Variants in KIFC3 observed in about 807,000 individuals in gnomAD.
KIFC3 encodes kinesin family member C3, also known as kinesin-like protein KIFC3.
In KIFC3, 60 loss-of-function variants were observed where a neutral mutation model predicts 101.8. The ratio of observed to expected loss-of-function variants is 0.59; its 90% confidence interval spans 0.48 to 0.73. The LOEUF is 0.73. Ranked by LOEUF, KIFC3 falls within the 30% of genes least tolerant of loss-of-function variation. KIFC3 has a pLI of 0.00. For synonymous variants in KIFC3, 476 were observed against 482.7 expected (o/e 0.99, Z 0.18); for missense variants, 966 against 1,137.1 (o/e 0.85, Z 2.16).
chr16:57,802,978 T>A (rs1205621558), upstream of KIFC3: 1 of 1,535,652 alleles, frequency 6.5e-7, no homozygotes, highest in South Asian at 1.2e-5. The surrounding 1 kb of genome is among the most constrained non-coding windows in gnomAD (Gnocchi z 5.0). Context: ...TACATGTACA[T>A]CCCTTACCGT....
intron 1 of KIFC3, among the ~76,000 whole-genome samples, chr16:57,862,423 G>A (rs1189300322): frequency 2.0e-5 from 3 of 152,060 alleles, no homozygotes; most frequent in South Asian, 2.1e-4. Flanking sequence ...TTGGTTGACC[G>A]AGGGTTACTG....
intron 1 of KIFC3, among the ~76,000 whole-genome samples, chr16:57,829,801 C>T (rs1184589220): frequency 6.6e-6 from 1 of 152,176 alleles, no homozygotes; most frequent in East Asian, 1.9e-4. Flanking sequence ...CATGGCCAGA[C>T]GGCCACTCAG....
In KIFC3 at chr16:57,769,476, G is replaced by C; in HGVS notation, c.1218+119C>G. 1.6e-6 allele frequency: 2 copies of C among 1,280,282 alleles called. No individual in the cohort carries two copies. Among genetic ancestry groups the C allele is most frequent in the Non-Finnish European group, 2.1e-6 (2 of 934,370 alleles). The allele number at this position is 1,280,282 out of a possible 1,614,324, so 79.3% of individuals were successfully genotyped here. On this transcript the variant is annotated intron_variant, in intron 9 of 19. Coordinates refer to ENST00000445690, the MANE Select transcript of KIFC3 (RefSeq NM_001130100.2). The surrounding 1 kb of genome is among the most constrained non-coding windows in gnomAD (Gnocchi z 4.3). Reference sequence around the variant, plus strand: ...AGCAGTAAGTGTCATGGGGGGTGGGGCAGGGGCTGCTGTCTGAGCGGCTTT... The same window carrying C: ...AGCAGTAAGTGTCATGGGGGGTGGGCCAGGGGCTGCTGTCTGAGCGGCTTT...
At position 57,759,830 on chromosome 16, in the gene KIFC3, G is replaced by A; in HGVS notation, c.2374C>T (p.Pro792Ser). The A allele has an allele frequency of 6.2e-7, 1 of 1,607,720 alleles. No individual in the cohort carries two copies. The highest frequency in any genetic ancestry group is 2.2e-5 in the East Asian group (1 of 44,696). ...WSSQEHLEWE[P>S]ACQTPQPSAR... The stretch of plus-strand genomic sequence containing the variant: ...GAGGGCTGTGGCGTCTGACAAGCCG[G>A]CTCCCACTGTGAGCAGGGAAGGGCG... Residue 792 changes from proline (P) to serine (S), a missense_variant, in exon 18 of 20, where the codon CCG becomes TCG. Pro to Ser is a moderately conservative substitution (Grantham distance 74). Transcript: ENST00000445690.
chr16:57,785,974 C>T (rs2053276836), intron 3 of KIFC3, among the ~76,000 whole-genome samples: 1 of 152,194 alleles, frequency 6.6e-6, no homozygotes, highest in South Asian at 2.1e-4. Context: ...CAGCCTCTCT[C>T]CATGGCCAGG....
chr16:57,843,209 T>C (rs573938130), intron 1 of KIFC3, among the ~76,000 whole-genome samples: 2 of 152,246 alleles, frequency 1.3e-5, no homozygotes, highest in South Asian at 4.1e-4. Flanking sequence ...GAACTGTGTA[T>C]AAAAGAATCT....
At chr16:57,806,036 AC>A (rs1361394530), upstream of KIFC3, among the ~76,000 whole-genome samples, 12 of 151,970 alleles carry the variant, frequency 7.9e-5, no homozygotes, top group African/African-American at 2.9e-4. Flanking sequence ...ACCACACCTG[AC>A]CCATCTTTGT....
At chr16:57,794,146 T>C (rs1188365363) in intron 3 of KIFC3, among the ~76,000 whole-genome samples, 2 of 152,232 alleles carry the variant, frequency 1.3e-5, no homozygotes, top group African/African-American at 4.8e-5. Flanking sequence ...AGTCCATGTT[T>C]GATAAACAGT....
At chr16:57,772,322 C>T (rs1555609344) in intron 3 of KIFC3, 34 bp from the exon 4 acceptor site, 3 of 1,585,362 alleles carry the variant, frequency 1.9e-6, no homozygotes, top group Non-Finnish European at 2.6e-6. Context: ...AGGTGAGCCT[C>T]AGTCCTCAGC....
chr16:57,821,397 A>G (rs145902006), intron 1 of KIFC3, among the ~76,000 whole-genome samples: 1 of 152,212 alleles, frequency 6.6e-6, no homozygotes, highest in Admixed American at 6.5e-5. Flanking sequence ...AAGGAAAACC[A>G]GGTAACTCTC....
chr16:57,809,312 T>C (rs2055012052), intron 1 of KIFC3, among the ~76,000 whole-genome samples: 1 of 152,138 alleles, frequency 6.6e-6, no homozygotes, highest in Non-Finnish European at 1.5e-5. Context: ...TTCACTTATT[T>C]AGAGTTGGGG....
intron 1 of KIFC3, among the ~76,000 whole-genome samples, chr16:57,813,183 T>C (rs1358254794): frequency 6.6e-6 from 1 of 151,772 alleles, no homozygotes; most frequent in African/African-American, 2.4e-5. Context: ...CAAAAATTAG[T>C]TGGGCGTAGT....
chr16:57,819,439 C>T (rs874504), intron 1 of KIFC3, among the ~76,000 whole-genome samples: 70,605 of 152,098 alleles, frequency 0.46, 17,555 homozygotes, highest in African/African-American at 0.64. Flanking sequence ...GATTGGACTC[C>T]GAGATATCTC....
At chr16:57,841,797 A>G (rs1269784510) in intron 1 of KIFC3, among the ~76,000 whole-genome samples, 3 of 152,036 alleles carry the variant, frequency 2.0e-5, no homozygotes, top group African/African-American at 7.2e-5. Context: ...CAGCTGCATG[A>G]GTCTCTTGTG....
At chr16:57,825,543 A>T (rs1034652593) in intron 1 of KIFC3, among the ~76,000 whole-genome samples, 2 of 152,198 alleles carry the variant, frequency 1.3e-5, no homozygotes, top group Non-Finnish European at 2.9e-5. Flanking sequence ...TTCCTAATTT[A>T]GAGTGGCAGC....
At chr16:57,840,628 C>T (rs1221840416) in intron 1 of KIFC3, among the ~76,000 whole-genome samples, 2 of 151,790 alleles carry the variant, frequency 1.3e-5, no homozygotes, top group African/African-American at 2.4e-5. Flanking sequence ...GCCATGGTGG[C>T]GCATGGCTGT....
intron 1 of KIFC3, among the ~76,000 whole-genome samples, chr16:57,814,682 G>A (rs921811365): frequency 2.6e-5 from 4 of 151,882 alleles, no homozygotes; most frequent in African/African-American, 9.7e-5. Context: ...CTGGAGTGCA[G>A]TGGTGCGATC....
chr16:57,802,008 C>A lies in KIFC3; in HGVS notation c.-40+362G>T, dbSNP rs1474491112. Among the ~76,000 whole-genome samples, 1 of 152,220 alleles carries A rather than the reference C, an allele frequency of 6.6e-6. No individual in the cohort carries two copies. The highest frequency in any genetic ancestry group is 1.5e-5 in the Non-Finnish European group (1 of 68,020). ...ACCCAAAGGCAGCCTTCCAGGGAGC[C>A]CTGGGGGTGGGGAAGACGCCAGGAA... is the stretch of plus-strand genomic sequence containing the variant. On this transcript the variant is annotated intron_variant, in intron 1 of 19. Transcript: ENST00000445690. The surrounding 1 kb of genome is among the most constrained non-coding windows in gnomAD (Gnocchi z 5.0).
At chr16:57,816,683 G>A (rs2055232958) in intron 1 of KIFC3, 1 of 456,512 alleles carries the variant, frequency 2.2e-6, no homozygotes, top group African/African-American at 2.0e-5. Context: ...CCACAACCAG[G>A]AGTCTTGGAG....
Sources: gnomAD v4.1 joint callset for allele counts (sites outside exome capture counted in the v4.1 genomes callset) on GRCh38, gnomAD v4.1.1 for gene constraint, Gnocchi (gnomAD v3.1) non-coding constraint, MANE v1.5 for transcripts, NCBI Gene and HGNC (gene_info 2026-07-23, HGNC 2026-07-21) for gene names.